SLC17A1: variants seen among roughly 807,000 people sequenced by gnomAD.
SLC17A1 encodes sodium-dependent phosphate transport protein 1.
Under a neutral mutation model 53.5 loss-of-function variants are expected in SLC17A1, and 51 were observed. The observed-to-expected ratio is 0.95, with a 90% CI of 0.76 to 1.20. SLC17A1 has a LOEUF of 1.20. Among genes scored for constraint, SLC17A1 ranks in the 50% most tolerant of loss-of-function variants. SLC17A1 has a pLI of 0.00. For synonymous variants in SLC17A1, 179 were observed against 198.8 expected, an observed-to-expected ratio of 0.90 and a Z score of 0.84; for missense variants, 538 against 568.2, an observed-to-expected ratio of 0.95 and a Z score of 0.54.
the SLC17A1 span, among the ~76,000 whole-genome samples, chr6:25,724,982 CAA>C: frequency 7.0e-6 from 1 of 142,984 alleles, no homozygotes; most frequent in African/African-American, 2.6e-5. Context: ...GTGTAGACAT[CAA>C]GTGTTTAGCA....
At position 25,811,729 on chromosome 6, in the gene SLC17A1, G is replaced by A. The variant is rs1403721144; in HGVS notation, c.939C>T (p.Ile313=). Residue 313 remains isoleucine (I), a synonymous_variant, in exon 9 of 13, where the codon ATC becomes ATT. Transcript: ENST00000244527. ...LSSLPYLFAW[I]CGNLAGQLSD... ...ATAACTGACCTGCTAGGTTACCACAGATCCAGGCAAACAAATAGGGAAGGG... is the reference window on the plus strand; with the variant it reads ...ATAACTGACCTGCTAGGTTACCACAAATCCAGGCAAACAAATAGGGAAGGG... The A allele has an allele frequency of 6.2e-7, 1 of 1,613,802 alleles. No individual in the cohort carries two copies.
At chr6:25,765,695 GA>G in the SLC17A1 span, among the ~76,000 whole-genome samples, 2 of 152,088 alleles carry the variant, frequency 1.3e-5, no homozygotes, top group African/African-American at 4.8e-5. Flanking sequence ...TAGCAGCAAG[GA>G]GAAGATAGAT....
chr6:25,824,593 A>G (rs936819244), intron 3 of SLC17A1, among the ~76,000 whole-genome samples: 4 of 151,840 alleles, frequency 2.6e-5, no homozygotes, highest in Admixed American at 6.6e-5. Context: ...AGATGCCTTC[A>G]TGATACATGA....
intron 10 of SLC17A1, 21 bp from the exon 11 acceptor site, chr6:25,801,001 C>T (rs763558837): frequency 1.5e-6 from 2 of 1,307,410 alleles, no homozygotes; most frequent in Non-Finnish European, 1.1e-6. Context: ...AAGAGTAATA[C>T]ACAAATGTAA....
the SLC17A1 span, among the ~76,000 whole-genome samples, chr6:25,766,013 T>C: frequency 8.3e-4 from 126 of 151,874 alleles, no homozygotes; most frequent in African/African-American, 3.0e-3. Context: ...AAATGTATAA[T>C]ATGCTAATTA....
chr6:25,800,925 T>C lies in SLC17A1; in HGVS notation c.1234A>G (p.Ile412Val), dbSNP rs773637782. ...STLTGMIGGL[I>V]ASTLTGLILK... ...ATCAATCCAGTCAAAGTGGAAGCAATTAGTCCTCCTATCATTCCAGTTAAA... is the reference window on the plus strand; with the variant it reads ...ATCAATCCAGTCAAAGTGGAAGCAACTAGTCCTCCTATCATTCCAGTTAAA... Residue 412 changes from isoleucine (I) to valine (V), a missense_variant, in exon 11 of 13, where the codon ATT becomes GTT. Physicochemically the swap from Ile to Val is conservative, Grantham distance 29 (BLOSUM62 3). Coordinates refer to ENST00000244527, the MANE Select transcript of SLC17A1 (RefSeq NM_005074.5). The C allele has an allele frequency of 6.2e-7, 1 of 1,610,298 alleles. No homozygotes were observed. Among genetic ancestry groups the C allele is most frequent in the East Asian group, 2.2e-5 (1 of 44,756 alleles).
chr6:25,763,172 C>T, the SLC17A1 span, among the ~76,000 whole-genome samples: 1 of 152,172 alleles, frequency 6.6e-6, no homozygotes, highest in Admixed American at 6.5e-5. Flanking sequence ...CTTCTATAGT[C>T]TCCTACAACA....
the SLC17A1 span, among the ~76,000 whole-genome samples, chr6:25,734,660 T>A: frequency 2.0e-5 from 3 of 152,200 alleles, no homozygotes; most frequent in African/African-American, 7.2e-5. Flanking sequence ...TCTACGAGTG[T>A]AAGGATGTTT....
chr6:25,780,359 T>G (rs1010873826), downstream of SLC17A1: 3 of 152,104 alleles, frequency 2.0e-5, no homozygotes, highest in African/African-American at 7.2e-5. Context: ...TTACATGGGT[T>G]ATGAGAGTGG....
the SLC17A1 span, chr6:25,768,468 T>A: frequency 3.9e-6 from 3 of 765,074 alleles, no homozygotes; most frequent in Non-Finnish European, 1.6e-6. Context: ...AGATGAAGTT[T>A]AAATACTTCT....
intron 2 of SLC17A1, among the ~76,000 whole-genome samples, chr6:25,828,258 G>A (rs965889852): frequency 3.3e-5 from 5 of 152,096 alleles, no homozygotes; most frequent in African/African-American, 1.2e-4. Context: ...TAATTCTTGT[G>A]GCTCTTGGCT....
chr6:25,766,501 A>G, the SLC17A1 span, among the ~76,000 whole-genome samples: 2 of 152,174 alleles, frequency 1.3e-5, no homozygotes, highest in African/African-American at 4.8e-5. Context: ...AATTCATACA[A>G]AAAATTAAAA....
At chr6:25,759,569 G>A in the SLC17A1 span, among the ~76,000 whole-genome samples, 18 of 152,218 alleles carry the variant, frequency 1.2e-4, no homozygotes, top group African/African-American at 3.6e-4. Flanking sequence ...TTTTTCAACT[G>A]CTGTTGCTTA....
the SLC17A1 span, among the ~76,000 whole-genome samples, chr6:25,735,000 C>T: frequency 6.6e-6 from 1 of 152,154 alleles, no homozygotes; most frequent in Non-Finnish European, 1.5e-5. Flanking sequence ...AGCCACACAC[C>T]CTTTCAGAAA....
chr6:25,825,988 T>C (rs966941266), intron 3 of SLC17A1, among the ~76,000 whole-genome samples: 1 of 152,072 alleles, frequency 6.6e-6, no homozygotes, highest in Admixed American at 6.6e-5. Context: ...TTTTCATTCT[T>C]TTTATAGTTT....
the SLC17A1 span, chr6:25,726,065 G>A: frequency 1.4e-5 from 19 of 1,375,208 alleles, no homozygotes; most frequent in Admixed American, 2.3e-5. Flanking sequence ...TGAGACGGTA[G>A]GTGGCTCTGA....
the SLC17A1 span, among the ~76,000 whole-genome samples, chr6:25,776,185 A>C: frequency 7.2e-5 from 11 of 152,286 alleles, no homozygotes; most frequent in South Asian, 2.3e-3. Flanking sequence ...TTGATCCATG[A>C]AAAATAATAT....
intron 2 of SLC17A1, among the ~76,000 whole-genome samples, chr6:25,830,039 T>C (rs1238328540): frequency 2.0e-5 from 3 of 152,200 alleles, no homozygotes; most frequent in Non-Finnish European, 2.9e-5. Flanking sequence ...TTTCTGGGAT[T>C]TTGTCCCCTA....
the SLC17A1 span, among the ~76,000 whole-genome samples, chr6:25,733,351 G>T: frequency 6.6e-6 from 1 of 152,168 alleles, no homozygotes; most frequent in Non-Finnish European, 1.5e-5. Flanking sequence ...TTGTAAACTT[G>T]CAGCTTTCAG....
Sources: allele counts gnomAD v4.1 joint callset (sites outside exome capture counted in the v4.1 genomes callset), GRCh38; gene constraint gnomAD v4.1.1; transcripts MANE v1.5; gene names NCBI Gene and HGNC (gene_info 2026-07-23, HGNC 2026-07-21).